GCFC2: variants seen among roughly 807,000 people sequenced by gnomAD.
GCFC2 encodes the protein intron Large complex component GCFC2.
Under a neutral mutation model 99.4 loss-of-function variants are expected in GCFC2, and 102 were observed. The ratio of observed to expected loss-of-function variants is 1.03; its 90% CI spans 0.87 to 1.21. The LOEUF (loss-of-function observed/expected upper bound fraction) is 1.21. Ranked by LOEUF, GCFC2 falls within the 50% of genes most tolerant of loss-of-function variation. The pLI is 0.00. For synonymous variants in GCFC2, 338 were observed against 316.8 expected (o/e 1.07, Z -0.71); for missense variants, 973 against 920.9 (o/e 1.06, Z -0.73).
intron 4 of GCFC2, among the ~76,000 whole-genome samples, chr2:75,699,160 G>A (rs1680464251): frequency 6.6e-6 from 1 of 152,114 alleles, no homozygotes; most frequent in African/African-American, 2.4e-5. Flanking sequence ...TGACTCCAAG[G>A]TCTGAAAAGT....
At chr2:75,688,839 T>A (rs1679928725) in intron 10 of GCFC2, among the ~76,000 whole-genome samples, 187 bp downstream of exon 10, 1 of 152,136 alleles carries the variant, frequency 6.6e-6, no homozygotes, top group Non-Finnish European at 1.5e-5. Context: ...ATGCTTAGCC[T>A]AAAAATCAAG....
In GCFC2 at chr2:75,675,740, T is replaced by TTA. The variant is rs1465946391; in HGVS notation, c.1813-2221_1813-2220insTA. 4.8e-3 allele frequency among the ~76,000 whole-genome samples: 401 copies of TTA among 83,236 alleles called. 4 individuals are homozygous for TTA. The highest frequency in any genetic ancestry group is 0.045 in the African/African-American group (390 of 8,632). 54.6% of individuals were successfully genotyped at this position (83,236 alleles called of 152,430 possible). ...GCCTGGGTGACAGAGTAAGGTTCTG[T>TTA]CAAAAAAAAAAAAAAAAACAAAAAA... On this transcript the variant is annotated intron_variant, in intron 12 of 16. Transcript: ENST00000321027.
At chr2:75,711,562 C>T (rs929678063), upstream of GCFC2, among the ~76,000 whole-genome samples, 14 of 152,260 alleles carry the variant, frequency 9.2e-5, no homozygotes, top group African/African-American at 3.1e-4. Flanking sequence ...TGTTGAGCTA[C>T]TGCACACCTG....
At chr2:75,707,365 A>G (rs1207316134) in intron 1 of GCFC2, among the ~76,000 whole-genome samples, 2 of 152,214 alleles carry the variant, frequency 1.3e-5, no homozygotes, top group African/African-American at 2.4e-5. Context: ...TGTTGTGAAA[A>G]TTGAATGAAC....
intron 12 of GCFC2, among the ~76,000 whole-genome samples, chr2:75,675,472 G>A (rs935687195): frequency 1.3e-5 from 2 of 152,048 alleles, no homozygotes; most frequent in African/African-American, 4.8e-5. Context: ...GCCGGTTGCC[G>A]TGGCTCATGC....
In GCFC2 at chr2:75,687,937, G is replaced by T; in HGVS notation, c.1580C>A (p.Ser527Tyr). 6.2e-7 allele frequency: 1 copy of T among 1,600,284 alleles called. No individual in the cohort carries two copies. The highest frequency in any genetic ancestry group is 1.3e-5 in the African/African-American group (1 of 74,294). ...TGLKEMPWFK[S>Y]VEEFMDSSVE... ...ACTGCTATCCATAAATTCTTCTACA[G>T]ATTTGAACCATGGCATCTCTTTTAA... is the stretch of plus-strand genomic sequence containing the variant. The change falls in exon 11 of 17, where the codon TCT (serine) becomes TAT (tyrosine). Residue 527 changes from serine to tyrosine, a missense_variant. By Grantham distance (144) the Ser-to-Tyr change is moderately radical (BLOSUM62 -2). Coordinates refer to ENST00000321027, the MANE Select transcript of GCFC2 (RefSeq NM_003203.5).
chr2:75,697,625 G>T (rs371122660), intron 4 of GCFC2: 1 of 152,190 alleles, frequency 6.6e-6, no homozygotes, highest in Non-Finnish European at 1.5e-5. Context: ...GTAACTGGCC[G>T]TAGCAGGCTA....
upstream of GCFC2, chr2:75,711,183 C>G (rs1378305620): frequency 3.0e-6 from 3 of 985,210 alleles, no homozygotes; most frequent in Admixed American, 1.8e-4. Context: ...TTGTGCAAAC[C>G]CCATCCAGAA....
intron 15 of GCFC2, among the ~76,000 whole-genome samples, chr2:75,669,487 C>G (rs368819113): frequency 6.6e-6 from 1 of 152,184 alleles, no homozygotes; most frequent in Non-Finnish European, 1.5e-5. Flanking sequence ...CCCTCACTCT[C>G]AAATATAGTC....
intron 4 of GCFC2, 152 bp downstream of exon 4, chr2:75,701,038 G>T: frequency 1.7e-6 from 1 of 592,470 alleles, no homozygotes; most frequent in Non-Finnish European, 3.0e-6. Flanking sequence ...CAGGGCCTTT[G>T]GAAGAAGCAA....
intron 13 of GCFC2, among the ~76,000 whole-genome samples, chr2:75,672,229 TTATATATTTATAAA>T (rs1679127123): frequency 1.5e-5 from 2 of 135,668 alleles, no homozygotes; most frequent in African/African-American, 5.5e-5. Context: ...AAATATATAT[TTATATATTTATAAA>T]TATGTTTATA....
At chr2:75,666,845 G>T (rs1381365487) in intron 15 of GCFC2, among the ~76,000 whole-genome samples, 1 of 152,094 alleles carries the variant, frequency 6.6e-6, no homozygotes, top group Non-Finnish European at 1.5e-5. Flanking sequence ...GTCCGAAAAC[G>T]AGATGCAGAC....
intron 1 of GCFC2, among the ~76,000 whole-genome samples, chr2:75,706,963 G>C (rs541124759): frequency 3.3e-5 from 5 of 152,288 alleles, no homozygotes; most frequent in Admixed American, 6.5e-5. Flanking sequence ...GAATAGTAAT[G>C]ATTGTGAATA....
chr2:75,704,202 C>G (rs1680732788), intron 2 of GCFC2, among the ~76,000 whole-genome samples: 1 of 152,160 alleles, frequency 6.6e-6, no homozygotes. Context: ...TAATTCTTCA[C>G]ATATATCATC....
intron 7 of GCFC2, among the ~76,000 whole-genome samples, chr2:75,691,311 C>G (rs1272283494): frequency 2.8e-4 from 43 of 151,872 alleles, no homozygotes. Context: ...TCTTATTGTA[C>G]TGTACTTATT....
intron 9 of GCFC2, 92 bp downstream of exon 9, chr2:75,689,877 T>C (rs1039835837): frequency 1.6e-5 from 11 of 683,140 alleles, no homozygotes; most frequent in Middle Eastern, 2.3e-4. Context: ...CTGTTTTATA[T>C]AGCTTATGTA....
rs1189476477 is a variant in GCFC2 at position 75,710,526 on chromosome 2, A to T, written c.265+65T>A. On this transcript the variant is annotated intron_variant, in intron 1 of 16. Coordinates refer to ENST00000321027, the MANE Select transcript of GCFC2 (RefSeq NM_003203.5). ...ATAGAACCCCCAGAGAAGGATCCAG[A>T]GACCCCGCGGCCCCTTCCCGCCCTG... 2.8e-6 allele frequency: 4 copies of T among 1,427,120 alleles called. No individual in the cohort carries two copies. The African/African-American group carries it at 4.5e-5, about 16-fold the overall frequency. 88.4% of individuals were successfully genotyped at this position (1,427,120 alleles called of 1,614,324 possible).
intron 4 of GCFC2, among the ~76,000 whole-genome samples, chr2:75,696,536 TAA>T (rs1558747886): frequency 1.3e-5 from 2 of 152,204 alleles, no homozygotes; most frequent in Non-Finnish European, 2.9e-5. Context: ...ATTACATTTT[TAA>T]AAAAGTTTAG....
At chr2:75,669,775 C>G (rs13426237) in intron 15 of GCFC2, among the ~76,000 whole-genome samples, 3,668 of 152,110 alleles carry the variant, frequency 0.024, 143 homozygotes, top group African/African-American at 0.084. Flanking sequence ...TCTTGTCACC[C>G]AGGCTGGAGT....
Sources: allele counts gnomAD v4.1 joint callset (sites outside exome capture counted in the v4.1 genomes callset), GRCh38; gene constraint gnomAD v4.1.1; transcripts MANE v1.5; gene names NCBI Gene and HGNC (gene_info 2026-07-23, HGNC 2026-07-21).